DOK6: variants seen among roughly 807,000 people sequenced by gnomAD.
The protein encoded by DOK6 is downstream of tyrosine kinase 6.
In DOK6, 22 loss-of-function variants were observed where a neutral mutation model predicts 44.0. That is an observed-to-expected ratio of 0.50 (90% CI 0.36 to 0.71). The LOEUF (loss-of-function observed/expected upper bound fraction) is 0.71, where lower values mean the gene tolerates loss of function less well. Ranked by LOEUF, DOK6 falls within the 30% of genes least tolerant of loss-of-function variation. The probability of loss-of-function intolerance (pLI) is 0.00; values close to 1 mark genes in which losing one functional copy is unlikely to be tolerated. For synonymous variants in DOK6, 166 were observed against 145.5 expected (o/e 1.14, Z -1.01); for missense variants, 340 against 416.4 (o/e 0.82, Z 1.60).
chr18:69,642,096 C>A (rs2144654878), intron 3 of DOK6, among the ~76,000 whole-genome samples: 1 of 152,320 alleles, frequency 6.6e-6, no homozygotes, highest in East Asian at 1.9e-4. Flanking sequence ...TTACTTATTT[C>A]TCTTTCCTCT....
At chr18:69,761,690 CACT>C (rs1029922577) in intron 7 of DOK6, among the ~76,000 whole-genome samples, 2 of 152,102 alleles carry the variant, frequency 1.3e-5, no homozygotes, top group Admixed American at 6.6e-5. Flanking sequence ...AGGATTTCAC[CACT>C]GTCTTGTCCC....
At chr18:69,707,923 T>C (rs1189372791) in intron 5 of DOK6, among the ~76,000 whole-genome samples, 2 of 152,148 alleles carry the variant, frequency 1.3e-5, no homozygotes, top group African/African-American at 4.8e-5. Flanking sequence ...GTTGGACTTC[T>C]TTAAGGTAGA....
chr18:69,563,501 G>C (rs1453372041), intron 1 of DOK6, among the ~76,000 whole-genome samples: 1 of 151,980 alleles, frequency 6.6e-6, no homozygotes, highest in Non-Finnish European at 1.5e-5. Context: ...ATCCTTTGTA[G>C]GGACATGGAT....
chr18:69,555,489 T>C (rs1473232995), intron 1 of DOK6, among the ~76,000 whole-genome samples: 2 of 152,222 alleles, frequency 1.3e-5, no homozygotes, highest in East Asian at 3.8e-4. Context: ...CCCAGAGCTA[T>C]TTATTAAAAA....
intron 1 of DOK6, among the ~76,000 whole-genome samples, chr18:69,426,314 C>T (rs975872590): frequency 4.6e-5 from 7 of 152,140 alleles, no homozygotes; most frequent in African/African-American, 1.2e-4. Flanking sequence ...TTTACTTTGT[C>T]ATTTGCATTT....
At chr18:69,660,590 T>C (rs930090391) in intron 3 of DOK6, 2 of 152,104 alleles carry the variant, frequency 1.3e-5, no homozygotes, top group African/African-American at 4.8e-5. Flanking sequence ...CTGGATAGAT[T>C]TTGGAGTTTT....
chr18:69,540,923 TA>T lies in DOK6; in HGVS notation c.67-23561del, dbSNP rs750630151. The stretch of plus-strand genomic sequence containing the variant: ...ACTACCACACAAATCATAGTTCTGT[TA>T]AAGAATCTTTGTTGTTTTCCTCATT... On this transcript the variant is annotated intron_variant, in intron 1 of 7. Coordinates refer to ENST00000382713, the MANE Select transcript of DOK6 (RefSeq NM_152721.6). Among the ~76,000 whole-genome samples the T allele has an allele frequency of 3.9e-5, 6 of 152,194 alleles. No homozygotes were observed. In the East Asian group the frequency reaches 1.2e-3, roughly 29 times the overall value.
At chr18:69,767,970 T>C (rs1483498512) in intron 7 of DOK6, among the ~76,000 whole-genome samples, 2 of 152,220 alleles carry the variant, frequency 1.3e-5, no homozygotes, top group Non-Finnish European at 2.9e-5. Flanking sequence ...CCAATGGTTT[T>C]ATTAAAATGA....
chr18:69,616,694 T>C (rs1475350195), intron 3 of DOK6, among the ~76,000 whole-genome samples: 1 of 152,244 alleles, frequency 6.6e-6, no homozygotes, highest in Non-Finnish European at 1.5e-5. Context: ...GAAAATATAC[T>C]TCTGCTTTAT....
At chr18:69,800,256 A>G (rs1980864856) in intron 7 of DOK6, among the ~76,000 whole-genome samples, 1 of 152,110 alleles carries the variant, frequency 6.6e-6, no homozygotes, top group African/African-American at 2.4e-5. Context: ...CTTCTCATTA[A>G]GTGGGATTTT....
rs1212859295 is a variant in DOK6, at chr18:69,564,531, A to G, written c.111A>G (p.Lys37=). The G allele has an allele frequency of 1.6e-5, 26 of 1,613,840 alleles. No individual in the cohort carries two copies. The South Asian group carries it at 2.7e-4, about 17-fold the overall frequency. The stretch of plus-strand genomic sequence containing the variant: ...TGGTTTTCAAGAAGGCTTCTAGCAA[A>G]GGACCCAGAAGGTTAGAAAAATTTC... ...CWLVFKKASS[K]GPRRLEKFPD... Residue 37 remains lysine, a synonymous_variant, in exon 2 of 8, where the codon AAA becomes AAG. Transcript: ENST00000382713.
intron 2 of DOK6, among the ~76,000 whole-genome samples, chr18:69,583,681 C>T (rs1309720068): frequency 1.3e-5 from 2 of 149,832 alleles, no homozygotes; most frequent in African/African-American, 5.0e-5. Context: ...CTGTAAGAGG[C>T]TGAGGCAGCA....
intron 1 of DOK6, among the ~76,000 whole-genome samples, chr18:69,540,085 G>C (rs1271349782): frequency 6.6e-6 from 1 of 152,110 alleles, no homozygotes; most frequent in Non-Finnish European, 1.5e-5. Flanking sequence ...CCTGAGAACA[G>C]CATGGGGGAA....
intron 5 of DOK6, among the ~76,000 whole-genome samples, chr18:69,701,142 T>C (rs1264792436): frequency 2.6e-5 from 4 of 152,252 alleles, no homozygotes; most frequent in African/African-American, 9.6e-5. Context: ...CATCGTTTAT[T>C]CTGGAGAAGC....
intron 7 of DOK6, among the ~76,000 whole-genome samples, chr18:69,784,945 C>T (rs1284490410): frequency 1.3e-5 from 2 of 152,122 alleles, no homozygotes; most frequent in Non-Finnish European, 2.9e-5. Flanking sequence ...AAATGCAGTT[C>T]ATAACCTGAT....
chr18:69,455,004 A>T, intron 1 of DOK6, among the ~76,000 whole-genome samples: 1 of 149,342 alleles, frequency 6.7e-6, no homozygotes, highest in Non-Finnish European at 1.5e-5. Context: ...GCACATGTAT[A>T]CATATGTAAC....
rs1418163876 is a variant in DOK6, at chr18:69,848,767, T to C, written c.*7384T>C. On this transcript the variant is annotated 3_prime_UTR_variant, in exon 8 of 8. Transcript: ENST00000382713. ...AAAAAATTTACAAATGATATTGCTATGAGGTTGTGCACTATTAAAGTTTGC... is the reference window on the plus strand; with the variant it reads ...AAAAAATTTACAAATGATATTGCTACGAGGTTGTGCACTATTAAAGTTTGC... The C allele has an allele frequency of 6.6e-6, 1 of 152,222 alleles. No individual in the cohort carries two copies. Among genetic ancestry groups the C allele is most frequent in the Non-Finnish European group, 1.5e-5 (1 of 68,024 alleles). 9.4% of individuals were successfully genotyped at this position (152,222 alleles called of 1,614,324 possible).
At chr18:69,594,963 T>C (rs1983707688) in intron 2 of DOK6, among the ~76,000 whole-genome samples, 2 of 152,092 alleles carry the variant, frequency 1.3e-5, no homozygotes, top group South Asian at 4.1e-4. Flanking sequence ...TATACACCAA[T>C]AATGAACTAG....
chr18:69,444,217 T>C (rs1172585321), intron 1 of DOK6, among the ~76,000 whole-genome samples: 1 of 152,148 alleles, frequency 6.6e-6, no homozygotes, highest in Non-Finnish European at 1.5e-5. Context: ...TAAAGCCCTT[T>C]GATGTTTTGG....
Sources: allele counts gnomAD v4.1 joint callset (sites outside exome capture counted in the v4.1 genomes callset), GRCh38; gene constraint gnomAD v4.1.1; transcripts MANE v1.5; gene names NCBI Gene and HGNC (gene_info 2026-07-23, HGNC 2026-07-21).